ROBO2: variants seen among roughly 807,000 people sequenced by gnomAD.
ROBO2 encodes the protein roundabout guidance receptor 2, also known as roundabout homolog 2.
Under a neutral mutation model 160.8 loss-of-function variants are expected in ROBO2, and 53 were observed. The ratio of observed to expected loss-of-function variants is 0.33; its 90% CI spans 0.26 to 0.41. The LOEUF is 0.41. Among genes scored for constraint, ROBO2 ranks in the 10% least tolerant of loss-of-function variants. ROBO2 has a pLI of 1.00. For synonymous variants in ROBO2, 664 were observed against 611.7 expected, an observed-to-expected ratio of 1.09 and a Z score of -1.26; for missense variants, 1,577 against 1,722.4, an observed-to-expected ratio of 0.92 and a Z score of 1.49.
chr3:77,634,750 G>A (rs189829222), intron 23 of ROBO2, 120 bp from the exon 25 acceptor site: 1 of 930,902 alleles, frequency 1.1e-6, no homozygotes, highest in South Asian at 1.3e-5. Flanking sequence ...CCAATATTTG[G>A]TATCTTCATA....
intron 2 of ROBO2, among the ~76,000 whole-genome samples, chr3:76,589,169 G>GATTAA (rs2086248752): frequency 6.6e-6 from 1 of 152,068 alleles, no homozygotes; most frequent in Non-Finnish European, 1.5e-5. Flanking sequence ...ATTTATCTGT[G>GATTAA]GTAATCTTTC....
At chr3:76,400,370 A>G (rs2077743227) in intron 2 of ROBO2, among the ~76,000 whole-genome samples, 2 of 151,658 alleles carry the variant, frequency 1.3e-5, no homozygotes, top group Non-Finnish European at 3.0e-5. Flanking sequence ...AGGGGATAGC[A>G]ACATCTAGAT....
chr3:76,099,702 A>T (rs1043741113), intron 2 of ROBO2, among the ~76,000 whole-genome samples: 5 of 152,098 alleles, frequency 3.3e-5, no homozygotes, highest in African/African-American at 1.2e-4. Flanking sequence ...AAAATTTCTG[A>T]TTTTTTTCTC....
chr3:76,081,140 T>G (rs1010126988), intron 2 of ROBO2, among the ~76,000 whole-genome samples: 33 of 148,828 alleles, frequency 2.2e-4, no homozygotes, highest in Non-Finnish European at 1.0e-4. Context: ...TTATAGTTTT[T>G]TTTTACAAAA....
rs201063990 is a variant in ROBO2 at position 76,825,603 on chromosome 3, C to CAAAAAAAAA, written c.110-272390_110-272382dup. 1.5e-3 allele frequency among the ~76,000 whole-genome samples: 109 copies of CAAAAAAAAA among 72,460 alleles called. 1 individual carries two copies. The highest frequency in any genetic ancestry group is 3.5e-3 in the East Asian group (7 of 2,020). The allele number at this position is 72,460 out of a possible 152,430, so 47.5% of individuals were successfully genotyped here. A position where few individuals can be genotyped will look rare whatever the true frequency, so the allele number is the denominator to read the frequency against. ...GAGTCTACCCTTTCATCATCTTAGCCAAAAAAAAAAAAAAAAAAAAAAAAA... is the reference window on the plus strand; with the variant it reads ...GAGTCTACCCTTTCATCATCTTAGCCAAAAAAAAAAAAAAAAAAAAAAAAAAAAAAAAAA... On this transcript the variant is annotated intron_variant, in intron 2 of 26. Coordinates refer to the ROBO2 transcript ENST00000487694.
At chr3:76,068,367 G>A (rs1002845019) in intron 2 of ROBO2, among the ~76,000 whole-genome samples, 2 of 152,128 alleles carry the variant, frequency 1.3e-5, no homozygotes, top group Non-Finnish European at 2.9e-5. Context: ...GAAAGCCACT[G>A]AAGACTTTTT....
At chr3:76,200,137 A>G (rs2107243828) in intron 2 of ROBO2, among the ~76,000 whole-genome samples, 1 of 152,312 alleles carries the variant, frequency 6.6e-6, no homozygotes, top group African/African-American at 2.4e-5. Context: ...TGTGTGCATC[A>G]CACATACACA....
At chr3:76,158,590 T>C (rs1357791330) in intron 2 of ROBO2, among the ~76,000 whole-genome samples, 1 of 151,972 alleles carries the variant, frequency 6.6e-6, no homozygotes, top group Non-Finnish European at 1.5e-5. Flanking sequence ...GAACAATGAA[T>C]GGGGTGGGGT....
intron 13 of ROBO2, among the ~76,000 whole-genome samples, chr3:77,570,392 T>C (rs1341822199): frequency 6.6e-6 from 1 of 151,964 alleles, no homozygotes; most frequent in Non-Finnish European, 1.5e-5. Context: ...AGTTTGCACA[T>C]CTATCCCCGT....
intron 1 of ROBO2, among the ~76,000 whole-genome samples, chr3:75,910,386 A>G (rs778121347): frequency 1.8e-4 from 28 of 152,218 alleles, no homozygotes; most frequent in Non-Finnish European, 2.9e-4. Flanking sequence ...CTTGGATACA[A>G]ATTTGTACAA....
At chr3:76,073,576 C>G (rs538938530) in intron 2 of ROBO2, among the ~76,000 whole-genome samples, 4 of 152,030 alleles carry the variant, frequency 2.6e-5, no homozygotes, top group Non-Finnish European at 5.9e-5. Flanking sequence ...CAGGTGTGAG[C>G]TACCGCGCCC....
intron 2 of ROBO2, among the ~76,000 whole-genome samples, chr3:77,185,200 T>A (rs758992321): frequency 1.2e-4 from 18 of 152,004 alleles, no homozygotes; most frequent in Non-Finnish European, 2.5e-4. Context: ...ATGACTTCAT[T>A]TGGTGATCTG....
At chr3:76,100,063 A>G (rs1383373249) in intron 2 of ROBO2, among the ~76,000 whole-genome samples, 3 of 152,148 alleles carry the variant, frequency 2.0e-5, no homozygotes, top group Non-Finnish European at 4.4e-5. Context: ...TGTGTTTTTT[A>G]ACCACCAGAA....
intron 2 of ROBO2, among the ~76,000 whole-genome samples, chr3:76,460,450 G>A (rs2078024470): frequency 6.6e-6 from 1 of 152,188 alleles, no homozygotes; most frequent in Admixed American, 6.5e-5. Flanking sequence ...GGTGCTTTGT[G>A]GCTGCTAAGG....
At chr3:77,375,414 T>C (rs1246230796) in intron 2 of ROBO2, among the ~76,000 whole-genome samples, 2 of 152,248 alleles carry the variant, frequency 1.3e-5, no homozygotes, top group African/African-American at 2.4e-5. Context: ...TCTAAGATTG[T>C]AATTTTATTA....
intron 2 of ROBO2, among the ~76,000 whole-genome samples, chr3:76,146,701 T>TGTGC (rs201886417): frequency 1.4e-4 from 20 of 147,272 alleles, no homozygotes; most frequent in Middle Eastern, 3.5e-3. Flanking sequence ...ACATAGGGTG[T>TGTGC]GTGTGTGTGT....
chr3:76,501,900 A>G (rs1449159374), intron 2 of ROBO2, among the ~76,000 whole-genome samples: 4 of 152,134 alleles, frequency 2.6e-5, no homozygotes, highest in Admixed American at 2.0e-4. Flanking sequence ...TCAAAAGGAC[A>G]CTGTTATTTT....
chr3:77,575,179 C>A (rs2093730030), intron 14 of ROBO2, among the ~76,000 whole-genome samples: 2 of 152,050 alleles, frequency 1.3e-5, no homozygotes, highest in Admixed American at 1.3e-4. Context: ...TCAGGAAGGG[C>A]ACTTGCGTAT....
In ROBO2 at chr3:76,834,094, C is replaced by CTTTCTTTCTTTCT. The variant is rs2067402014; in HGVS notation, c.110-263917_110-263905dup. Among the ~76,000 whole-genome samples, 17 of 119,978 alleles carry CTTTCTTTCTTTCT rather than the reference C, an allele frequency of 1.4e-4. No individual in the cohort carries two copies. The South Asian group carries it at 4.6e-3, about 32-fold the overall frequency. 78.7% of individuals were successfully genotyped at this position (119,978 alleles called of 152,430 possible). On this transcript the variant is annotated intron_variant, in intron 2 of 26. Coordinates refer to the ROBO2 transcript ENST00000487694. ...TCTTTCTTTCTTTCTTTCTTTCTTT[C>CTTTCTTTCTTTCT]TTTCTTTCTTTCTTTCTTTCTCTCT...
Sources: gnomAD v4.1 joint callset for allele counts (sites outside exome capture counted in the v4.1 genomes callset) on GRCh38, gnomAD v4.1.1 for gene constraint, MANE v1.5 for transcripts, NCBI Gene and HGNC (gene_info 2026-07-23, HGNC 2026-07-21) for gene names.